The following MCRIP2 variants were observed in gnomAD, a reference collection of about 807,000 sequenced individuals.
MCRIP2 encodes the protein MAPK regulated corepressor interacting protein 2.
A neutral mutation model predicts 23.2 loss-of-function variants in MCRIP2; 21 were observed. That is an observed-to-expected ratio of 0.90 (90% CI 0.64 to 1.30). The LOEUF (loss-of-function observed/expected upper bound fraction) is 1.30. Ranked by LOEUF, MCRIP2 falls within the 50% of genes most tolerant of loss-of-function variation. The pLI is 0.00. For synonymous variants in MCRIP2, 121 were observed against 100.2 expected, an observed-to-expected ratio of 1.21 and a Z score of -1.24; for missense variants, 234 against 223.2, an observed-to-expected ratio of 1.05 and a Z score of -0.31.
In MCRIP2 at chr16:647,791, C is replaced by T; in HGVS notation, c.319C>T (p.Gln107Ter). ...NVRFVSEAWQQVQQQLDGGPA... is the reference protein window; with the variant it reads ...NVRFVSEAWQ ...CTGCCCTCCTCCCACAGCCTGGCAG[C>T]AGGTGCAACAGCAGCTGGATGGTGG... Residue 107 changes from glutamine to a stop codon, truncating the protein, a stop_gained, in exon 4 of 5, where the codon CAG (glutamine) becomes TAG (stop). Transcript: ENST00000307650. LOFTEE classifies it high-confidence loss of function. The T allele has an allele frequency of 6.4e-6, 10 of 1,565,436 alleles. No individual in the cohort carries two copies. The highest frequency in any genetic ancestry group is 7.8e-6 in the Non-Finnish European group (9 of 1,155,870).
intron 2 of MCRIP2, among the ~76,000 whole-genome samples, chr16:643,822 G>A (rs1215108682): frequency 6.6e-6 from 1 of 152,080 alleles, no homozygotes; most frequent in African/African-American, 2.4e-5. Context: ...GTGAGCTACC[G>A]CGCCCGGCCT....
At chr16:642,646 T>G (rs1450036694) in intron 2 of MCRIP2, 1 of 153,374 alleles carries the variant, frequency 6.5e-6, no homozygotes, top group Non-Finnish European at 1.5e-5. Context: ...CTTGCAGAGC[T>G]CAGTGGGGGA....
chr16:645,383 G>A (rs1567209523), intron 2 of MCRIP2: 1 of 152,324 alleles, frequency 6.6e-6, no homozygotes, highest in East Asian at 1.9e-4. Context: ...AGCCTCCGGA[G>A]TAGCTGGTAT....
intron 4 of MCRIP2, 110 bp from the exon 5 acceptor site, chr16:648,010 C>A: frequency 8.0e-7 from 1 of 1,249,524 alleles, no homozygotes; most frequent in Non-Finnish European, 1.1e-6. Flanking sequence ...CCCTTCTTCC[C>A]AGCGCCTGCC....
rs531207095 is a variant in MCRIP2 at position 643,739 on chromosome 16, G to A, written c.182+1490G>A. On this transcript the variant is annotated intron_variant, in intron 2 of 4. Transcript: ENST00000307650. Reference sequence around the variant, plus strand: ...TTATATTTTTGTATTTCACCATGTTGGCCAGGATGGGCTCGATCTCCTGAC... The same window carrying A: ...TTATATTTTTGTATTTCACCATGTTAGCCAGGATGGGCTCGATCTCCTGAC... Among the ~76,000 whole-genome samples the A allele has an allele frequency of 1.3e-4, 20 of 152,088 alleles. No individual in the cohort carries two copies. In the South Asian group the frequency reaches 3.7e-3, roughly 28 times the overall value.
Position 642,192 on chromosome 16 carries a change from C to A in MCRIP2, c.125C>A (p.Ser42Ter). Residue 42 changes from serine (S) to a stop codon, truncating the protein, a stop_gained, in exon 2 of 5, where the codon TCG becomes TAG. Transcript: ENST00000307650. LOFTEE classifies it high-confidence loss of function. ...LKCRQPAPPT[S>*]QPPRAQPFAQ... ...TGCCGGCAGCCCGCGCCGCCGACCTCGCAGCCCCCGCGGGCGCAGCCCTTT... is the reference window on the plus strand; with the variant it reads ...TGCCGGCAGCCCGCGCCGCCGACCTAGCAGCCCCCGCGGGCGCAGCCCTTT... The A allele has an allele frequency of 7.5e-7, 1 of 1,325,622 alleles. No individual in the cohort carries two copies. The highest frequency in any genetic ancestry group is 1.8e-5 in the South Asian group (1 of 54,114). 82.1% of individuals were successfully genotyped at this position (1,325,622 alleles called of 1,614,324 possible).
intron 2 of MCRIP2, among the ~76,000 whole-genome samples, chr16:643,356 C>T (rs1458443795): frequency 2.0e-5 from 3 of 152,094 alleles, no homozygotes; most frequent in Admixed American, 6.5e-5. Flanking sequence ...AGGGTGACGC[C>T]GTCTCTCTTA....
At chr16:643,380 A>G (rs1172486729) in intron 2 of MCRIP2, among the ~76,000 whole-genome samples, 1 of 151,700 alleles carries the variant, frequency 6.6e-6, no homozygotes, top group East Asian at 1.9e-4. Context: ...TGGGGAAACC[A>G]CCTTTCTTCT....
chr16:641,925 A>T lies in MCRIP2; in HGVS notation c.-67A>T. On this transcript the variant is annotated 5_prime_UTR_variant, in exon 1 of 5. Coordinates refer to ENST00000307650, the MANE Select transcript of MCRIP2 (RefSeq NM_138418.4). ...CTCCCCGCGGCGCCCGCAGTCCGTT[A>T]AGTGCGAGCCCCGGCGCAGGGGCCG... 1 of 1,247,226 alleles carries T rather than the reference A, an allele frequency of 8.0e-7. No homozygotes were observed. The highest frequency in any genetic ancestry group is 1.0e-6 in the Non-Finnish European group (1 of 991,278). 77.3% of individuals were successfully genotyped at this position (1,247,226 alleles called of 1,614,324 possible). A position where few individuals can be genotyped will look rare whatever the true frequency, so the allele number is the denominator to read the frequency against.
rs1416496040 is a variant in MCRIP2, at chr16:642,160, C to G, written c.93C>G (p.Leu31=). The change falls in exon 2 of 5, where the codon CTC becomes CTG. Residue 31 remains leucine (L), a synonymous_variant. Transcript: ENST00000307650. The stretch of plus-strand genomic sequence containing the variant: ...AGGTGGAGGGCCGGCTCGGCGAGCT[C>G]CTGAAATGCCGGCAGCCCGCGCCGC... The part of the protein sequence containing the change: ...QQQVEGRLGE[L]LKCRQPAPPT... 2 of 1,359,210 alleles carry G rather than the reference C, an allele frequency of 1.5e-6. No individual in the cohort carries two copies. Among genetic ancestry groups the G allele is most frequent in the African/African-American group, 1.5e-5 (1 of 65,684 alleles). 84.2% of individuals were successfully genotyped at this position (1,359,210 alleles called of 1,614,324 possible).
chr16:645,539 G>A (rs2151101687), intron 2 of MCRIP2: 1 of 152,456 alleles, frequency 6.6e-6, no homozygotes, highest in East Asian at 1.9e-4. Flanking sequence ...TTACAGGCAT[G>A]AGCCACCACG....
chr16:647,403 C>T lies in MCRIP2; in HGVS notation c.183-14C>T. 1.2e-6 allele frequency: 2 copies of T among 1,612,560 alleles called. No homozygotes were observed. Among genetic ancestry groups the T allele is most frequent in the South Asian group, 1.1e-5 (1 of 91,076 alleles). Reference sequence around the variant, plus strand: ...GATGGGCACCAACCATGTCCGTCTCCTCCCTTCCTGCAGTCCAGGGCCAAG... The same window carrying T: ...GATGGGCACCAACCATGTCCGTCTCTTCCCTTCCTGCAGTCCAGGGCCAAG... On this transcript the variant is annotated splice_polypyrimidine_tract_variant and intron_variant, in intron 2 of 4. Transcript: ENST00000307650.
rs1461050618 is a variant in MCRIP2, at chr16:642,291, C to G, written c.182+42C>G. ...CCCGGCCCGGCCCGGCCCGGCTTCC[C>G]CTCCCCCGCCGGCCGCCCTAGAGCG... On this transcript the variant is annotated intron_variant, in intron 2 of 4. Transcript: ENST00000307650. The G allele has an allele frequency of 1.0e-5, 12 of 1,148,166 alleles. 1 individual carries two copies. In the African/African-American group the frequency reaches 1.8e-4, roughly 17 times the overall value. The allele number at this position is 1,148,166 out of a possible 1,614,324, so 71.1% of individuals were successfully genotyped here.
At chr16:644,561 T>G (rs1370933514) in intron 2 of MCRIP2, among the ~76,000 whole-genome samples, 1 of 152,076 alleles carries the variant, frequency 6.6e-6, no homozygotes, top group Non-Finnish European at 1.5e-5. Context: ...CTCCCACCTC[T>G]CGACTTCCTG....
At chr16:647,691 G>T (rs1458452163) in intron 3 of MCRIP2, 92 bp from the exon 4 acceptor site, 2 of 1,499,842 alleles carry the variant, frequency 1.3e-6, no homozygotes, top group Admixed American at 2.0e-5. Flanking sequence ...GACCAGCCCT[G>T]TGTGGGGCTG....
chr16:644,725 C>T (rs2037434503), intron 2 of MCRIP2, among the ~76,000 whole-genome samples: 1 of 151,954 alleles, frequency 6.6e-6, no homozygotes, highest in Admixed American at 6.6e-5. Context: ...TAGGTGTGGG[C>T]CACCGCGCCC....
Position 641,923 on chromosome 16 carries a change from T to C in MCRIP2, c.-69T>C, listed in dbSNP as rs890355656. On this transcript the variant is annotated 5_prime_UTR_variant, in exon 1 of 5. Coordinates refer to ENST00000307650, the MANE Select transcript of MCRIP2 (RefSeq NM_138418.4). ...CCCTCCCCGCGGCGCCCGCAGTCCG[T>C]TAAGTGCGAGCCCCGGCGCAGGGGC... 3.0e-5 allele frequency: 37 copies of C among 1,240,582 alleles called. No individual in the cohort carries two copies. The highest frequency in any genetic ancestry group is 1.3e-4 in the Admixed American group (3 of 23,204). The allele number at this position is 1,240,582 out of a possible 1,614,324, so 76.8% of individuals were successfully genotyped here. A position where few individuals can be genotyped will look rare whatever the true frequency, so the allele number is the denominator to read the frequency against.
At position 647,038 on chromosome 16, in the gene MCRIP2, C is replaced by A. The variant is rs191707094; in HGVS notation, c.183-379C>A. The A allele has an allele frequency of 2.5e-4, 65 of 260,330 alleles. 1 individual carries two copies. The highest frequency in any genetic ancestry group is 2.3e-3 in the South Asian group (41 of 17,642). The allele number at this position is 260,330 out of a possible 1,614,324, so 16.1% of individuals were successfully genotyped here. ...AGAGAGACATGGTCATGGACTGGGT[C>A]GTGGCTCAGGTCAGAATCTGGGCTG... On this transcript the variant is annotated intron_variant, in intron 2 of 4. Coordinates refer to ENST00000307650, the MANE Select transcript of MCRIP2 (RefSeq NM_138418.4).
rs113272934 is a variant in MCRIP2, at chr16:647,634, C to T, written c.310+90C>T. On this transcript the variant is annotated intron_variant, in intron 3 of 4. Coordinates refer to ENST00000307650, the MANE Select transcript of MCRIP2 (RefSeq NM_138418.4). ...GCCCCACTTCAAGCTGACCCACAGCCGCTGCATGGCTGTGCTTTTCCTTGG... is the reference window on the plus strand; with the variant it reads ...GCCCCACTTCAAGCTGACCCACAGCTGCTGCATGGCTGTGCTTTTCCTTGG... 102 of 1,560,742 alleles carry T rather than the reference C, an allele frequency of 6.5e-5. No homozygotes were observed. The African/African-American group carries it at 8.8e-4, about 13-fold the overall frequency.
Sources: gnomAD v4.1 joint callset for allele counts (sites outside exome capture counted in the v4.1 genomes callset) on GRCh38, gnomAD v4.1.1 for gene constraint, MANE v1.5 for transcripts, NCBI Gene and HGNC (gene_info 2026-07-23, HGNC 2026-07-21) for gene names.